Variants in GPC5 observed in about 807,000 individuals in gnomAD.
The protein encoded by GPC5 is glypican 5, also known as glypican-5.
In GPC5, 47 loss-of-function variants were observed where a neutral mutation model predicts 53.9. The observed-to-expected ratio is 0.87, with a 90% CI of 0.69 to 1.11. GPC5 has a LOEUF of 1.11. GPC5 is among the 50% of genes most tolerant of loss of function. GPC5 has a pLI of 0.00. For missense variants in GPC5, 748 were observed against 713.1 expected, an observed-to-expected ratio of 1.05 and a Z score of -0.56; for synonymous variants, 286 against 263.3, an observed-to-expected ratio of 1.09 and a Z score of -0.84.
At chr13:92,361,975 A>T (rs1000667238) in intron 7 of GPC5, among the ~76,000 whole-genome samples, 1 of 151,636 alleles carries the variant, frequency 6.6e-6, no homozygotes, top group Admixed American at 6.6e-5. Context: ...ACTTTTTTCT[A>T]TAGCTCTTAG....
At chr13:91,872,722 A>G (rs538373870) in intron 5 of GPC5, among the ~76,000 whole-genome samples, 2 of 152,314 alleles carry the variant, frequency 1.3e-5, no homozygotes, top group African/African-American at 4.8e-5. Context: ...GCACATTGAA[A>G]GTGATAGAGA....
At chr13:92,461,772 A>G (rs762246733) in intron 7 of GPC5, among the ~76,000 whole-genome samples, 25 of 152,220 alleles carry the variant, frequency 1.6e-4, no homozygotes, top group Non-Finnish European at 3.4e-4. Context: ...CTTAGCAGAC[A>G]CTGGGTCTGC....
chr13:91,747,851 A>G (rs1001247058), intron 4 of GPC5, among the ~76,000 whole-genome samples: 2 of 152,218 alleles, frequency 1.3e-5, no homozygotes, highest in Non-Finnish European at 2.9e-5. Context: ...TGTATCAACT[A>G]AATGCCTAAC....
At chr13:92,158,611 G>C (rs750334966) in intron 7 of GPC5, among the ~76,000 whole-genome samples, 2 of 151,364 alleles carry the variant, frequency 1.3e-5, no homozygotes, top group Non-Finnish European at 2.9e-5. Context: ...CATTTAATAA[G>C]ACCCATTGCC....
intron 6 of GPC5, among the ~76,000 whole-genome samples, chr13:91,923,055 G>T (rs1465207291): frequency 6.6e-6 from 1 of 152,128 alleles, no homozygotes; most frequent in Admixed American, 6.6e-5. Flanking sequence ...AAAACCAGGT[G>T]CAGTCCTCTC....
At chr13:92,292,166 C>A (rs1245811221) in intron 7 of GPC5, among the ~76,000 whole-genome samples, 2 of 152,188 alleles carry the variant, frequency 1.3e-5, no homozygotes, top group Non-Finnish European at 2.9e-5. Flanking sequence ...GTATCTTTTT[C>A]ATATAATGAC....
At chr13:91,805,529 T>G (rs2038206503) in intron 5 of GPC5, among the ~76,000 whole-genome samples, 1 of 152,176 alleles carries the variant, frequency 6.6e-6, no homozygotes, top group African/African-American at 2.4e-5. Context: ...ACACAAGACG[T>G]GTATATTAAT....
At chr13:92,827,330 T>TATAA (rs1292197348) in intron 7 of GPC5, among the ~76,000 whole-genome samples, 1 of 152,154 alleles carries the variant, frequency 6.6e-6, no homozygotes, top group Non-Finnish European at 1.5e-5. Flanking sequence ...TCATTTAACA[T>TATAA]ATAAGTGGCT....
Position 91,808,155 on chromosome 13 carries a change from T to G in GPC5, c.1280+51735T>G, listed in dbSNP as rs143631844. Among the ~76,000 whole-genome samples the G allele has an allele frequency of 5.1e-3, 782 of 152,282 alleles. 8 individuals are homozygous for G. The highest frequency in any genetic ancestry group is 0.018 in the African/African-American group (738 of 41,580). ...GTATACTACATGTAGTATGGCCCATTGTAAAAGTTTAAAAACCTTCCCTTA... is the reference window on the plus strand; with the variant it reads ...GTATACTACATGTAGTATGGCCCATGGTAAAAGTTTAAAAACCTTCCCTTA... On this transcript the variant is annotated intron_variant, in intron 5 of 7. Transcript: ENST00000377067.
chr13:92,401,941 G>T (rs1335060307), intron 7 of GPC5, among the ~76,000 whole-genome samples: 1 of 152,088 alleles, frequency 6.6e-6, no homozygotes, highest in Non-Finnish European at 1.5e-5. Flanking sequence ...AGCTTCCTAG[G>T]TTTGTAGGAA....
intron 7 of GPC5, among the ~76,000 whole-genome samples, chr13:92,405,721 T>C (rs1380567606): frequency 6.6e-6 from 1 of 152,202 alleles, no homozygotes; most frequent in Non-Finnish European, 1.5e-5. Flanking sequence ...GAAACTAGCA[T>C]TTAAAATCTC....
At chr13:92,334,533 A>G (rs540081273) in intron 7 of GPC5, among the ~76,000 whole-genome samples, 9 of 152,258 alleles carry the variant, frequency 5.9e-5, no homozygotes, top group South Asian at 4.1e-4. Context: ...AAACACAATT[A>G]TGCCCTCCCA....
At position 92,752,946 on chromosome 13, in the gene GPC5, C is replaced by T. The variant is rs187816465; in HGVS notation, c.1562-113336C>T. Among the ~76,000 whole-genome samples the T allele has an allele frequency of 3.7e-3, 559 of 152,288 alleles. 4 individuals are homozygous for T. Among genetic ancestry groups the T allele is most frequent in the African/African-American group, 0.012 (499 of 41,584 alleles). On this transcript the variant is annotated intron_variant, in intron 7 of 7. Coordinates refer to ENST00000377067, the MANE Select transcript of GPC5 (RefSeq NM_004466.6). ...ATACCATTGCCCAGGCTTGCTTAGG[C>T]AAACAAAGCAGCCAGGAAGCTCGAA...
chr13:91,603,476 T>C (rs1490048227), intron 2 of GPC5, among the ~76,000 whole-genome samples: 5 of 152,190 alleles, frequency 3.3e-5, no homozygotes, highest in Admixed American at 1.3e-4. Context: ...CAGTGGCCCA[T>C]CCTGATCTCA....
At position 91,586,562 on chromosome 13, in the gene GPC5, GT is replaced by G. The variant is rs1594294363; in HGVS notation, c.326-106624del. On this transcript the variant is annotated intron_variant, in intron 2 of 7. Coordinates refer to ENST00000377067, the MANE Select transcript of GPC5 (RefSeq NM_004466.6). Reference sequence around the variant, plus strand: ...TATATATATATATATATATATATATGTAGAGAGAGAGAGAGAGAGAGAGAGA... The same window carrying G: ...TATATATATATATATATATATATATGAGAGAGAGAGAGAGAGAGAGAGAGA... Among the ~76,000 whole-genome samples, 118 of 19,616 alleles carry G rather than the reference GT, an allele frequency of 6.0e-3. 4 individuals are homozygous for G. Among genetic ancestry groups the G allele is most frequent in the African/African-American group, 0.015 (45 of 2,962 alleles). 12.9% of individuals were successfully genotyped at this position (19,616 alleles called of 152,430 possible). A position where few individuals can be genotyped will look rare whatever the true frequency, so the allele number is the denominator to read the frequency against.
chr13:91,963,083 G>A (rs1207985382), intron 6 of GPC5, among the ~76,000 whole-genome samples: 1 of 151,998 alleles, frequency 6.6e-6, no homozygotes, highest in African/African-American at 2.4e-5. Flanking sequence ...ATGTGTCTTT[G>A]GGCAGTTACT....
At chr13:91,795,666 C>T (rs1214980742) in intron 5 of GPC5, among the ~76,000 whole-genome samples, 2 of 152,062 alleles carry the variant, frequency 1.3e-5, no homozygotes, top group African/African-American at 4.8e-5. Context: ...GCTTGCCTAC[C>T]ATGGGTCATA....
Position 92,281,394 on chromosome 13 carries a change from G to A in GPC5, c.1561+136405G>A, listed in dbSNP as rs7984852. Among the ~76,000 whole-genome samples, 195 of 152,340 alleles carry A rather than the reference G, an allele frequency of 1.3e-3. 1 individual carries two copies. The highest frequency in any genetic ancestry group is 4.3e-3 in the African/African-American group (180 of 41,586). ...TGTCCCTGTCTGACAGCTTTGAAGA[G>A]AGTAGTGGTTCTCCCAGCACAGAGT... On this transcript the variant is annotated intron_variant, in intron 7 of 7. Coordinates refer to ENST00000377067, the MANE Select transcript of GPC5 (RefSeq NM_004466.6).
chr13:92,212,094 A>G (rs2042379490), intron 7 of GPC5, among the ~76,000 whole-genome samples: 2 of 152,022 alleles, frequency 1.3e-5, no homozygotes, highest in South Asian at 4.1e-4. Flanking sequence ...AAAAAAAAAA[A>G]AGACAATGAC....
Sources: gnomAD v4.1 joint callset for allele counts (sites outside exome capture counted in the v4.1 genomes callset) on GRCh38, gnomAD v4.1.1 for gene constraint, MANE v1.5 for transcripts, NCBI Gene and HGNC (gene_info 2026-07-23, HGNC 2026-07-21) for gene names.